The following SDR42E2 variants were observed in gnomAD, a reference collection of about 807,000 sequenced individuals.
The protein encoded by SDR42E2 is short chain dehydrogenase/reductase family 42E, member 2, also known as putative short-chain dehydrogenase/reductase family 42E member 2.
In SDR42E2, 20 loss-of-function variants were observed where a neutral mutation model predicts 10.5. That is an observed-to-expected ratio of 1.90 (90% CI 1.34 to 2.77). The LOEUF is 2.77. Among genes scored for constraint, SDR42E2 ranks in the 30% most tolerant of loss-of-function variants. SDR42E2 has a pLI of 0.00. For synonymous variants in SDR42E2, 72 were observed against 39.2 expected (o/e 1.84, Z -3.12); for missense variants, 162 against 104.2 (o/e 1.55, Z -2.42).
intron 7 of SDR42E2, among the ~76,000 whole-genome samples, chr16:22,173,560 T>C (rs1221784152): frequency 6.6e-6 from 1 of 152,116 alleles, no homozygotes; most frequent in African/African-American, 2.4e-5. Context: ...CCCTTTATTT[T>C]AATTTTATCT....
At chr16:22,162,670 G>C (rs1326811664) in intron 1 of SDR42E2, among the ~76,000 whole-genome samples, 106 bp downstream of exon 1, 3 of 152,162 alleles carry the variant, frequency 2.0e-5, no homozygotes, top group Non-Finnish European at 2.9e-5. Flanking sequence ...AGCTGCCCGC[G>C]AGCCCAGCGC....
In SDR42E2 at chr16:22,190,334, G is replaced by A; in HGVS notation, c.1210G>A (p.Ala404Thr). Residue 404 changes from alanine to threonine, a missense_variant, in exon 13 of 13, where the codon GCC (alanine) becomes ACC (threonine). Coordinates refer to ENST00000602312, the MANE Select transcript of SDR42E2 (RefSeq NM_001394319.2). The part of the protein sequence containing the change: ...LRLLLFLGLL[A>T]LALHFLGLQP... ...GCTGCTGCTGTTCCTCGGCTTGCTC[G>A]CCCTGGCCCTGCACTTCCTAGGCCT... is the stretch of plus-strand genomic sequence containing the variant. 2.5e-6 allele frequency: 1 copy of A among 402,194 alleles called. No homozygotes were observed. 24.9% of individuals were successfully genotyped at this position (402,194 alleles called of 1,614,324 possible). A position where few individuals can be genotyped will look rare whatever the true frequency, so the allele number is the denominator to read the frequency against.
intron 7 of SDR42E2, among the ~76,000 whole-genome samples, chr16:22,175,541 T>TA (rs1491294673): frequency 8.4e-6 from 1 of 119,710 alleles, no homozygotes; most frequent in Non-Finnish European, 1.6e-5. Flanking sequence ...CACTCCTTCC[T>TA]TTTTTTTTTT....
intron 1 of SDR42E2, among the ~76,000 whole-genome samples, chr16:22,163,561 A>T (rs2046512596): frequency 6.6e-6 from 1 of 151,612 alleles, no homozygotes; most frequent in African/African-American, 2.4e-5. Flanking sequence ...ACAAAAATTA[A>T]CCAGGTGTGG....
Position 22,179,828 on chromosome 16 carries a change from A to AG in SDR42E2, c.672+1616_672+1617insG, listed in dbSNP as rs1341289723. 3.1e-3 allele frequency among the ~76,000 whole-genome samples: 472 copies of AG among 151,668 alleles called. 3 individuals carry two copies. Among genetic ancestry groups the AG allele is most frequent in the African/African-American group, 9.8e-3 (405 of 41,288 alleles). ...AACTTCATCTCAAAAAAAAAAAAAA[A>AG]AAGAAGATTCCAGGCACTGTGGAGA... On this transcript the variant is annotated intron_variant, in intron 8 of 12. Transcript: ENST00000602312.
At position 22,190,231 on chromosome 16, in the gene SDR42E2, C is replaced by T. The variant is rs977281951; in HGVS notation, c.1107C>T (p.Ala369=). Residue 369 remains alanine (A), a synonymous_variant, in exon 13 of 13, where the codon GCC becomes GCT. Coordinates refer to ENST00000602312, the MANE Select transcript of SDR42E2 (RefSeq NM_001394319.2). ...YAPDKFRFAD[A]VELYVQSTTR... ...CGGATAAGTTTAGGTTCGCCGACGC[C>T]GTGGAGCTATACGTGCAGTCCACGA... 1.5e-5 allele frequency: 6 copies of T among 401,026 alleles called. No homozygotes were observed. Among genetic ancestry groups the T allele is most frequent in the Non-Finnish European group, 2.7e-5 (6 of 226,140 alleles). 24.8% of individuals were successfully genotyped at this position (401,026 alleles called of 1,614,324 possible).
At chr16:22,176,999 G>T (rs2046649910) in intron 7 of SDR42E2, among the ~76,000 whole-genome samples, 1 of 152,206 alleles carries the variant, frequency 6.6e-6, no homozygotes, top group Admixed American at 6.5e-5. Context: ...TTTTCCATGT[G>T]AGGAAACCAA....
At chr16:22,173,563 T>C (rs1481125703) in intron 7 of SDR42E2, among the ~76,000 whole-genome samples, 4 of 152,082 alleles carry the variant, frequency 2.6e-5, no homozygotes, top group African/African-American at 7.2e-5. Context: ...TTTATTTTAA[T>C]TTTATCTCAT....
chr16:22,165,463 G>A (rs2142056571), intron 1 of SDR42E2, 84 bp from the exon 2 acceptor site: 1 of 397,238 alleles, frequency 2.5e-6, no homozygotes, highest in East Asian at 3.6e-5. Context: ...TCCACCTGGA[G>A]TTCCCCTCAG....
At chr16:22,169,981 G>A (rs1485650616) in intron 5 of SDR42E2, among the ~76,000 whole-genome samples, 7 of 152,008 alleles carry the variant, frequency 4.6e-5, no homozygotes, top group African/African-American at 7.3e-5. Flanking sequence ...GCAGTGAGCC[G>A]AGATCGTGCC....
rs534502295 is a variant in SDR42E2, at chr16:22,167,165, ATTTTTTTTTTTTTTTT to A, written c.336+189_336+204del. Among the ~76,000 whole-genome samples the A allele has an allele frequency of 1.4e-3, 54 of 37,718 alleles. 2 individuals carry two copies. Among genetic ancestry groups the A allele is most frequent in the East Asian group, 2.8e-3 (2 of 718 alleles). 24.7% of individuals were successfully genotyped at this position (37,718 alleles called of 152,430 possible). On this transcript the variant is annotated intron_variant, in intron 4 of 12. Transcript: ENST00000602312. ...CATGACACCAAATACCAGTTCTGCC[ATTTTTTTTTTTTTTTT>A]TTTTTTTTTTTTTTTTTTTTTTGAG...
intron 7 of SDR42E2, among the ~76,000 whole-genome samples, chr16:22,173,705 A>C (rs2046619171): frequency 6.6e-6 from 1 of 151,876 alleles, no homozygotes; most frequent in Admixed American, 6.6e-5. Context: ...AAATTTATTC[A>C]AATAAATTTC....
chr16:22,178,361 G>A, intron 8 of SDR42E2, 149 bp downstream of exon 8: 1 of 588,480 alleles, frequency 1.7e-6, no homozygotes, highest in Non-Finnish European at 3.0e-6. Context: ...AGATGTTCCT[G>A]CCCCCACTGG....
chr16:22,169,305 C>T (rs1436629778), intron 4 of SDR42E2, 140 bp from the exon 5 acceptor site: 6 of 652,908 alleles, frequency 9.2e-6, no homozygotes, highest in East Asian at 2.7e-5. Flanking sequence ...GGCACCCACA[C>T]TCCAGGTGGG....
chr16:22,188,338 C>A (rs1401862539), intron 12 of SDR42E2, among the ~76,000 whole-genome samples: 1 of 152,146 alleles, frequency 6.6e-6, no homozygotes, highest in Non-Finnish European at 1.5e-5. Context: ...AAGTAGTCAC[C>A]TATGGCTTCT....
At chr16:22,166,108 G>T in intron 2 of SDR42E2, 142 bp from the exon 3 acceptor site, 1 of 486,782 alleles carries the variant, frequency 2.1e-6, no homozygotes, top group Non-Finnish European at 3.6e-6. Context: ...GCCGGGAGCT[G>T]GATCGGTACC....
intron 5 of SDR42E2, among the ~76,000 whole-genome samples, chr16:22,170,210 G>T (rs186180363): frequency 1.3e-5 from 2 of 149,496 alleles, no homozygotes; most frequent in African/African-American, 4.9e-5. Flanking sequence ...CAAAATTAGC[G>T]GGGCGTGGTG....
Position 22,190,238 on chromosome 16 carries a change from C to T in SDR42E2, c.1114C>T (p.Leu372=), listed in dbSNP as rs1186300838. ...DKFRFADAVE[L]YVQSTTRRPR... is the part of the protein sequence containing the mutation. ...GTTTAGGTTCGCCGACGCCGTGGAGCTATACGTGCAGTCCACGACCCGGCG... is the reference window on the plus strand; with the variant it reads ...GTTTAGGTTCGCCGACGCCGTGGAGTTATACGTGCAGTCCACGACCCGGCG... The change falls in exon 13 of 13, where the codon CTA becomes TTA. Residue 372 remains leucine, a synonymous_variant. Transcript: ENST00000602312. 3.5e-5 allele frequency: 14 copies of T among 401,070 alleles called. 1 individual carries two copies. The highest frequency in any genetic ancestry group is 5.7e-5 in the Non-Finnish European group (13 of 226,170). The allele number at this position is 401,070 out of a possible 1,614,324, so 24.8% of individuals were successfully genotyped here.
intron 5 of SDR42E2, 88 bp from the exon 6 acceptor site, chr16:22,170,745 A>G (rs2046591531): frequency 1.4e-6 from 1 of 693,304 alleles, no homozygotes; most frequent in East Asian, 2.7e-5. Context: ...TCCTCAGCCG[A>G]CTCTATGCTC....
Sources: allele counts gnomAD v4.1 joint callset (sites outside exome capture counted in the v4.1 genomes callset), GRCh38; gene constraint gnomAD v4.1.1; transcripts MANE v1.5; gene names NCBI Gene and HGNC (gene_info 2026-07-23, HGNC 2026-07-21).